PSTPIP2: variants seen among roughly 807,000 people sequenced by gnomAD.
PSTPIP2 encodes the protein proline-serine-threonine phosphatase-interacting protein 2.
PSTPIP2 carries 33 observed loss-of-function variants against 63.3 expected under a neutral mutation model. The ratio of observed to expected loss-of-function variants is 0.52; its 90% CI spans 0.40 to 0.70. The LOEUF (loss-of-function observed/expected upper bound fraction) is 0.70, where lower values mean the gene tolerates loss of function less well. Among genes scored for constraint, PSTPIP2 ranks in the 30% least tolerant of loss-of-function variants. PSTPIP2 has a pLI of 0.00. For synonymous variants in PSTPIP2, 125 were observed against 132.7 expected (o/e 0.94, Z 0.40); for missense variants, 312 against 400.7 (o/e 0.78, Z 1.89).
At position 45,997,796 on chromosome 18, in the gene PSTPIP2, C is replaced by T; in HGVS notation, c.595G>A (p.Asp199Asn). 1 of 1,548,562 alleles carries T rather than the reference C, an allele frequency of 6.5e-7. No homozygotes were observed. The highest frequency in any genetic ancestry group is 1.4e-5 in the African/African-American group (1 of 69,624). Residue 199 changes from aspartate (D) to asparagine (N), a missense_variant, in exon 9 of 15, where the codon GAT becomes AAT. Coordinates refer to ENST00000409746, the MANE Select transcript of PSTPIP2 (RefSeq NM_024430.4). Reference sequence around the variant, plus strand: ...CTCTGCCACTCTTCTCGGACCTTATCCAGGGTGCCGATGTGCAGCATGTAT... The same window carrying T: ...CTCTGCCACTCTTCTCGGACCTTATTCAGGGTGCCGATGTGCAGCATGTAT... The part of the protein sequence containing the change: ...KAYMLHIGTL[D>N]KVREEWQSEH...
chr18:46,007,514 C>A (rs1599709153), intron 5 of PSTPIP2, among the ~76,000 whole-genome samples: 2 of 152,260 alleles, frequency 1.3e-5, no homozygotes, highest in East Asian at 3.8e-4. Flanking sequence ...GTCCCTCTGC[C>A]AGGAGGAGAA....
chr18:46,056,320 C>T (rs1234335801), intron 1 of PSTPIP2, among the ~76,000 whole-genome samples: 1 of 152,230 alleles, frequency 6.6e-6, no homozygotes, highest in Non-Finnish European at 1.5e-5. Flanking sequence ...CCCTGTGCTT[C>T]CTTAAAGTAC....
intron 1 of PSTPIP2, among the ~76,000 whole-genome samples, chr18:46,065,199 T>A (rs1381625586): frequency 7.0e-6 from 1 of 142,348 alleles, no homozygotes; most frequent in Non-Finnish European, 1.5e-5. Flanking sequence ...AGAAATTACA[T>A]AAATGCCAAA....
rs1907590345 is a variant in PSTPIP2, at chr18:46,026,677, AGCAGCCCTG to A, written c.135-2000_135-1992del. On this transcript the variant is annotated intron_variant, in intron 2 of 14. Coordinates refer to ENST00000409746, the MANE Select transcript of PSTPIP2 (RefSeq NM_024430.4). Reference sequence around the variant, plus strand: ...TATTGCTTGAGACCACGATTTCAAGAGCAGCCCTGGCAACACAGCAAGACCGCGCCTCTA... The same window carrying A: ...TATTGCTTGAGACCACGATTTCAAGAGCAACACAGCAAGACCGCGCCTCTA... 3.3e-5 allele frequency among the ~76,000 whole-genome samples: 5 copies of A among 151,994 alleles called. No individual in the cohort carries two copies. The South Asian group carries it at 1.0e-3, about 32-fold the overall frequency.
At chr18:45,987,406 C>T (rs79429888) in intron 14 of PSTPIP2, among the ~76,000 whole-genome samples, 4,421 of 152,226 alleles carry the variant, frequency 0.029, 83 homozygotes, top group Non-Finnish European at 0.034. Context: ...CTTCTGGCAT[C>T]CCACCCACCC....
chr18:46,025,490 C>G (rs2144097077), intron 2 of PSTPIP2, among the ~76,000 whole-genome samples: 1 of 152,206 alleles, frequency 6.6e-6, no homozygotes, highest in East Asian at 1.9e-4. Context: ...ATGCCCATAT[C>G]TCACATATAC....
chr18:46,001,636 T>C lies in PSTPIP2; in HGVS notation c.418-2102A>G, dbSNP rs554201879. ...CATCTCCGTAACTCTTTTTATCTTA[T>C]AAAACTGAAATTCTATGCCCGTTAA... On this transcript the variant is annotated intron_variant, in intron 6 of 14. Coordinates refer to ENST00000409746, the MANE Select transcript of PSTPIP2 (RefSeq NM_024430.4). 5.3e-5 allele frequency among the ~76,000 whole-genome samples: 8 copies of C among 152,350 alleles called. No individual in the cohort carries two copies. The East Asian group carries it at 1.5e-3, about 29-fold the overall frequency.
At chr18:45,997,969 G>C in intron 8 of PSTPIP2, 141 bp from the exon 9 acceptor site, 1 of 692,226 alleles carries the variant, frequency 1.4e-6, no homozygotes, top group Non-Finnish European at 2.6e-6. Context: ...TCTGAGCACT[G>C]GGAGTTATTG....
chr18:46,008,103 A>C (rs1568214579), intron 5 of PSTPIP2, among the ~76,000 whole-genome samples: 1 of 152,156 alleles, frequency 6.6e-6, no homozygotes, highest in Non-Finnish European at 1.5e-5. Flanking sequence ...GCTCAGACCA[A>C]ATCCAATGGA....
chr18:45,991,907 C>T lies in PSTPIP2; in HGVS notation c.915G>A (p.Leu305=), dbSNP rs987070457. ...GAAAGGCAGCTGGTTATTACCTTGC[C>T]AAGTTAGGCCCTGTAGCCTTTCCTG... ...VPAGKATGPN[L]ARRGPLPIPK... The change falls in exon 12 of 15, where the codon TTG becomes TTA. Residue 305 remains leucine, a synonymous_variant. Transcript: ENST00000409746. 6 of 1,606,208 alleles carry T rather than the reference C, an allele frequency of 3.7e-6. No homozygotes were observed. The highest frequency in any genetic ancestry group is 5.1e-6 in the Non-Finnish European group (6 of 1,174,282).
At position 46,028,476 on chromosome 18, in the gene PSTPIP2, C is replaced by T. The variant is rs1348094410; in HGVS notation, c.135-3790G>A. ...AGACAAACCGGCCGTGGAGTGGTGC[C>T]TGGAGGAGCTGGTCTTCGGCGATGT... is the stretch of plus-strand genomic sequence containing the variant. On this transcript the variant is annotated intron_variant, in intron 2 of 14. Transcript: ENST00000409746. 21 of 615,334 alleles carry T rather than the reference C, an allele frequency of 3.4e-5. No homozygotes were observed. The Admixed American group carries it at 4.1e-4, about 12-fold the overall frequency. The allele number at this position is 615,334 out of a possible 1,614,324, so 38.1% of individuals were successfully genotyped here.
intron 2 of PSTPIP2, among the ~76,000 whole-genome samples, chr18:46,035,625 G>A (rs1907945979): frequency 6.6e-6 from 1 of 151,938 alleles, no homozygotes; most frequent in African/African-American, 2.4e-5. Flanking sequence ...AGAGAGAATG[G>A]GTATAATGAG....
chr18:46,013,407 A>G (rs969473181), intron 4 of PSTPIP2, among the ~76,000 whole-genome samples: 12 of 152,204 alleles, frequency 7.9e-5, no homozygotes, highest in African/African-American at 2.9e-4. Flanking sequence ...ATGCTGTGTT[A>G]AAATCCTTAG....
intron 9 of PSTPIP2, among the ~76,000 whole-genome samples, chr18:45,995,977 A>T (rs1006385258): frequency 1.6e-4 from 25 of 152,120 alleles, no homozygotes; most frequent in Admixed American, 2.0e-4. Flanking sequence ...CACCACATCC[A>T]GCTAATTTTT....
In PSTPIP2 at chr18:45,990,722, C is replaced by T; in HGVS notation, c.955G>A (p.Asp319Asn). 1 of 1,605,606 alleles carries T rather than the reference C, an allele frequency of 6.2e-7. No individual in the cohort carries two copies. The change falls in exon 13 of 15, where the codon GAT (aspartate) becomes AAT (asparagine). Residue 319 changes from aspartate to asparagine, a missense_variant and splice_region_variant. Physicochemically the swap from Asp to Asn is conservative, Grantham distance 23. Transcript: ENST00000409746. ...CAAAAGACCTTTTTTAGTGGCATAC[C>T]TGGTGAGCTTTTAGGAATTGGGAGG... ...GPLPIPKSSP[D>N]DPNYSLVDDY...
Position 46,025,567 on chromosome 18 carries a change from C to CTAG in PSTPIP2, c.135-884_135-882dup, listed in dbSNP as rs1907548786. Among the ~76,000 whole-genome samples, 3 of 151,906 alleles carry CTAG rather than the reference C, an allele frequency of 2.0e-5. No homozygotes were observed. In the South Asian group the frequency reaches 6.2e-4, roughly 32 times the overall value. On this transcript the variant is annotated intron_variant, in intron 2 of 14. Coordinates refer to ENST00000409746, the MANE Select transcript of PSTPIP2 (RefSeq NM_024430.4). ...TATTATTTGCTGTTCTGTTTTTCAC[C>CTAG]TAGTAACACATCATATAGAATGTTC... is the stretch of plus-strand genomic sequence containing the variant.
At chr18:46,024,799 T>C in intron 2 of PSTPIP2, 113 bp from the exon 3 acceptor site, 1 of 757,630 alleles carries the variant, frequency 1.3e-6, no homozygotes. Context: ...GAAGCTCAGA[T>C]ACAACACCAT....
At chr18:46,016,191 C>T (rs1284843698) in intron 3 of PSTPIP2, 5 of 475,102 alleles carry the variant, frequency 1.1e-5, no homozygotes, top group African/African-American at 5.8e-5. Flanking sequence ...TCATTTTCTC[C>T]AATGATAGGA....
chr18:46,042,279 T>C (rs1425166475), intron 1 of PSTPIP2, among the ~76,000 whole-genome samples: 2 of 152,166 alleles, frequency 1.3e-5, no homozygotes, highest in African/African-American at 4.8e-5. Flanking sequence ...TACCCCTCTG[T>C]CTTAGCCAGG....
Sources: gnomAD v4.1 joint callset for allele counts (sites outside exome capture counted in the v4.1 genomes callset) on GRCh38, gnomAD v4.1.1 for gene constraint, MANE v1.5 for transcripts, NCBI Gene and HGNC (gene_info 2026-07-23, HGNC 2026-07-21) for gene names.